JAK1: variants seen among roughly 807,000 people sequenced by gnomAD.
JAK1 encodes tyrosine-protein kinase JAK1.
In JAK1, 16 loss-of-function variants were observed where a neutral mutation model predicts 136.6. The ratio of observed to expected loss-of-function variants is 0.12; its 90% CI spans 0.08 to 0.18. The LOEUF (loss-of-function observed/expected upper bound fraction) is 0.18, where lower values mean the gene tolerates loss of function less well. Among genes scored for constraint, JAK1 ranks in the 10% least tolerant of loss-of-function variants. The pLI, the probability that JAK1 is intolerant of heterozygous loss-of-function variation, is 1.00. For missense variants in JAK1, 859 were observed against 1,450.1 expected, an observed-to-expected ratio of 0.59 and a Z score of 6.62; for synonymous variants, 492 against 519.5, an observed-to-expected ratio of 0.95 and a Z score of 0.72.
At chr1:64,836,030 A>G (rs1422482371) in intron 23 of JAK1, 68 bp downstream of exon 23, 1 of 834,118 alleles carries the variant, frequency 1.2e-6, no homozygotes, top group Non-Finnish European at 2.0e-6. Flanking sequence ...ACAAAAGTTA[A>G]CCAAGCAGAG....
intron 1 of JAK1, among the ~76,000 whole-genome samples, chr1:64,954,863 G>A (rs1569716084): frequency 6.6e-6 from 1 of 152,176 alleles, no homozygotes; most frequent in Non-Finnish European, 1.5e-5. Flanking sequence ...GAAACATAAT[G>A]AGTTACAGAT....
At chr1:65,062,832 G>A (rs1647850092) in intron 1 of JAK1, among the ~76,000 whole-genome samples, 1 of 147,918 alleles carries the variant, frequency 6.8e-6, no homozygotes, top group South Asian at 2.1e-4. Flanking sequence ...ACAGATACTT[G>A]ATTGATTGAT....
At chr1:64,867,775 G>A (rs1656795135) in intron 6 of JAK1, among the ~76,000 whole-genome samples, 1 of 152,242 alleles carries the variant, frequency 6.6e-6, no homozygotes, top group Non-Finnish European at 1.5e-5. Flanking sequence ...CGGATCATCT[G>A]AGGTCGGGAG....
At chr1:65,005,792 A>T (rs1018886705) in intron 2 of JAK1, among the ~76,000 whole-genome samples, 2 of 152,228 alleles carry the variant, frequency 1.3e-5, no homozygotes, top group African/African-American at 4.8e-5. Context: ...TTTTGATGGA[A>T]CTTGACAACT....
chr1:64,969,171 CA>C (rs1646427816), upstream of JAK1, among the ~76,000 whole-genome samples: 1 of 149,488 alleles, frequency 6.7e-6, no homozygotes, highest in South Asian at 2.1e-4. Context: ...GAATCCCATG[CA>C]AAAACTTTTG....
intron 1 of JAK1, among the ~76,000 whole-genome samples, chr1:64,931,266 G>A (rs1009000763): frequency 1.3e-5 from 2 of 152,004 alleles, no homozygotes; most frequent in Non-Finnish European, 2.9e-5. Flanking sequence ...TCCTCTTCAC[G>A]TTCTAATATT....
At chr1:64,973,323 G>C (rs1262211188) in intron 2 of JAK1, among the ~76,000 whole-genome samples, 4 of 144,952 alleles carry the variant, frequency 2.8e-5, no homozygotes, top group Non-Finnish European at 6.0e-5. Context: ...GGAAGGAAGG[G>C]AGGGAAGGAG....
In JAK1 at chr1:64,931,632, G is replaced by A. The variant is rs183673597; in HGVS notation, c.-78+34701C>T. Among the ~76,000 whole-genome samples the A allele has an allele frequency of 1.4e-3, 217 of 152,140 alleles. 2 individuals carry two copies. Among genetic ancestry groups the A allele is most frequent in the African/African-American group, 5.2e-3 (214 of 41,468 alleles). ...CCAGCATTCAGAGGCCTCAACCTTT[G>A]GGGTAAAGGAGGCAATCCTTTTGTG... On this transcript the variant is annotated intron_variant, in intron 1 of 24. Coordinates refer to ENST00000342505, the MANE Select transcript of JAK1 (RefSeq NM_002227.4).
At chr1:64,956,987 G>A (rs557689817) in intron 1 of JAK1, among the ~76,000 whole-genome samples, 1 of 152,228 alleles carries the variant, frequency 6.6e-6, no homozygotes, top group African/African-American at 2.4e-5. Context: ...CCAGGAAGGA[G>A]GTTTTCAGCA....
chr1:64,852,443 G>A (rs550525606), intron 11 of JAK1, among the ~76,000 whole-genome samples: 46 of 152,180 alleles, frequency 3.0e-4, no homozygotes, highest in Non-Finnish European at 5.0e-4. Flanking sequence ...TCTTTTTCCA[G>A]AGGCTGCTCC....
chr1:64,976,223 T>C (rs1646496517), intron 2 of JAK1, among the ~76,000 whole-genome samples: 1 of 152,216 alleles, frequency 6.6e-6, no homozygotes, highest in Non-Finnish European at 1.5e-5. Flanking sequence ...TTGCCTCCTA[T>C]CGCTGCAGGT....
At chr1:64,999,396 T>C (rs897685600) in intron 2 of JAK1, among the ~76,000 whole-genome samples, 5 of 152,176 alleles carry the variant, frequency 3.3e-5, no homozygotes, top group Admixed American at 6.5e-5. Context: ...TTCTCATCCT[T>C]CCTCAGTACT....
chr1:64,913,357 C>T (rs1645317971), intron 1 of JAK1, among the ~76,000 whole-genome samples: 1 of 152,194 alleles, frequency 6.6e-6, no homozygotes, highest in East Asian at 1.9e-4. Flanking sequence ...ACCCTACTGA[C>T]AGCAGAATTC....
rs147499741 is a variant in JAK1 at position 64,933,421 on chromosome 1, C to A, written c.-78+32912G>T. Among the ~76,000 whole-genome samples the A allele has an allele frequency of 2.9e-4, 44 of 152,344 alleles. No individual in the cohort carries two copies. The East Asian group carries it at 6.8e-3, about 23-fold the overall frequency. On this transcript the variant is annotated intron_variant, in intron 1 of 24. Coordinates refer to ENST00000342505, the MANE Select transcript of JAK1 (RefSeq NM_002227.4). ...TAGTCTCTGCCTAAGTGACGTATCC[C>A]TGTTGTACATGTTTCCAAGGGAAGT...
chr1:64,971,702 G>T (rs1450611616), intron 2 of JAK1, among the ~76,000 whole-genome samples: 1 of 152,098 alleles, frequency 6.6e-6, no homozygotes, highest in East Asian at 1.9e-4. Context: ...GGGATTACAG[G>T]CACGTGCCAA....
intron 1 of JAK1, among the ~76,000 whole-genome samples, chr1:65,054,990 G>A (rs1647464931): frequency 6.6e-6 from 1 of 152,060 alleles, no homozygotes; most frequent in African/African-American, 2.4e-5. Context: ...GCTTCAAGAG[G>A]GTTATTATCC....
At chr1:65,004,447 G>C (rs765187109) in intron 2 of JAK1, among the ~76,000 whole-genome samples, 13 of 152,180 alleles carry the variant, frequency 8.5e-5, no homozygotes, top group Non-Finnish European at 1.6e-4. Flanking sequence ...ATCTAAGATT[G>C]TCAGTTATTT....
chr1:65,055,668 C>T (rs1195751573), intron 1 of JAK1, among the ~76,000 whole-genome samples: 1 of 152,216 alleles, frequency 6.6e-6, no homozygotes, highest in Non-Finnish European at 1.5e-5. Context: ...TTGGATCTGT[C>T]TTGCATCACT....
intron 1 of JAK1, among the ~76,000 whole-genome samples, chr1:64,902,551 T>TGG (rs1553166772): frequency 9.8e-6 from 1 of 102,356 alleles, no homozygotes; most frequent in African/African-American, 4.7e-5. Flanking sequence ...CATGAATTTG[T>TGG]GAGAGAGAGA....
Sources: allele counts gnomAD v4.1 joint callset (sites outside exome capture counted in the v4.1 genomes callset), GRCh38; gene constraint gnomAD v4.1.1; transcripts MANE v1.5; gene names NCBI Gene and HGNC (gene_info 2026-07-23, HGNC 2026-07-21).